Variants in SYN2 observed in about 807,000 individuals in gnomAD.
SYN2 encodes the protein synapsin-2.
In SYN2, 19 loss-of-function variants were observed where a neutral mutation model predicts 50.9. That is an observed-to-expected ratio of 0.37 (90% CI 0.26 to 0.55). The LOEUF is 0.55. SYN2 is among the 20% of genes least tolerant of loss of function. SYN2 has a pLI of 0.81. For synonymous variants in SYN2, 255 were observed against 224.9 expected, an observed-to-expected ratio of 1.13 and a Z score of -1.20; for missense variants, 587 against 576.4, an observed-to-expected ratio of 1.02 and a Z score of -0.19.
In SYN2 at chr3:12,180,245, TG is replaced by T. The variant is rs1403150504; in HGVS notation, c.1309-3064del. ...ATTACAGGCGTGAGCCGCACCCAGCTGGGTTTTTTTTTTTTTATGCTACTAT... is the reference window on the plus strand; with the variant it reads ...ATTACAGGCGTGAGCCGCACCCAGCTGGTTTTTTTTTTTTTATGCTACTAT... On this transcript the variant is annotated intron_variant, in intron 10 of 12. Transcript: ENST00000621198. 8.7e-5 allele frequency among the ~76,000 whole-genome samples: 7 copies of T among 80,348 alleles called. No individual in the cohort carries two copies. The Admixed American group carries it at 1.0e-3, about 12-fold the overall frequency. 52.7% of individuals were successfully genotyped at this position (80,348 alleles called of 152,430 possible). A position where few individuals can be genotyped will look rare whatever the true frequency, so the allele number is the denominator to read the frequency against.
At chr3:12,150,864 A>G (rs1257661261) in intron 4 of SYN2, among the ~76,000 whole-genome samples, 1 of 152,178 alleles carries the variant, frequency 6.6e-6, no homozygotes, top group Non-Finnish European at 1.5e-5. Flanking sequence ...TCAGAGATGC[A>G]GGTGTGGAAA....
At chr3:12,067,406 T>G (rs1475903025) in intron 1 of SYN2, among the ~76,000 whole-genome samples, 1 of 152,200 alleles carries the variant, frequency 6.6e-6, no homozygotes, top group Non-Finnish European at 1.5e-5. Context: ...TCTATGAAAC[T>G]TCACTTTCTC....
At chr3:12,121,011 T>C (rs1228532406) in intron 1 of SYN2, among the ~76,000 whole-genome samples, 2 of 152,226 alleles carry the variant, frequency 1.3e-5, no homozygotes, top group Non-Finnish European at 2.9e-5. Flanking sequence ...CCTTGCCTTA[T>C]ATTTTAGGTA....
chr3:12,022,893 G>A (rs1013034929), intron 1 of SYN2, among the ~76,000 whole-genome samples: 3 of 148,524 alleles, frequency 2.0e-5, no homozygotes, highest in Non-Finnish European at 3.0e-5. Flanking sequence ...GGTGGTCTCA[G>A]GTAACATACT....
At chr3:12,034,073 G>A (rs183222099) in intron 1 of SYN2, among the ~76,000 whole-genome samples, 4 of 152,272 alleles carry the variant, frequency 2.6e-5, no homozygotes, top group African/African-American at 9.6e-5. Context: ...GGGTTATATA[G>A]TAATTTTATT....
intron 3 of SYN2, among the ~76,000 whole-genome samples, chr3:12,142,446 G>A (rs1218455884): frequency 5.9e-5 from 9 of 152,186 alleles, no homozygotes; most frequent in Non-Finnish European, 1.3e-4. Context: ...GCAGAGCCCT[G>A]TCTTCTATGT....
At chr3:12,168,594 G>A (rs1277427466) in intron 9 of SYN2, 116 bp downstream of exon 9, 9 of 868,710 alleles carry the variant, frequency 1.0e-5, no homozygotes, top group African/African-American at 5.0e-5. Flanking sequence ...AGCAAGATCA[G>A]TGGGTAGCTA....
intron 1 of SYN2, among the ~76,000 whole-genome samples, chr3:12,111,534 G>A (rs539452042): frequency 6.6e-6 from 1 of 152,058 alleles, no homozygotes; most frequent in South Asian, 2.1e-4. Context: ...CAGGTCCTTC[G>A]GCAACCCTAA....
At chr3:12,085,263 T>A (rs1695670488) in intron 1 of SYN2, among the ~76,000 whole-genome samples, 1 of 151,646 alleles carries the variant, frequency 6.6e-6, no homozygotes, top group Non-Finnish European at 1.5e-5. Context: ...ATTCAAAAAC[T>A]GTAAAAAAAG....
intron 1 of SYN2, among the ~76,000 whole-genome samples, chr3:12,009,567 C>A (rs541333773): frequency 1.3e-5 from 2 of 152,326 alleles, no homozygotes; most frequent in Non-Finnish European, 2.9e-5. Flanking sequence ...AAACTCACAT[C>A]TGACTCCATT....
intron 1 of SYN2, among the ~76,000 whole-genome samples, chr3:12,059,824 G>T (rs1287855857): frequency 6.6e-6 from 1 of 152,020 alleles, no homozygotes; most frequent in African/African-American, 2.4e-5. Flanking sequence ...CCTCTAAAGG[G>T]GGTCCCTGCT....
chr3:12,153,292 C>T (rs1697357654), intron 5 of SYN2: 4 of 588,514 alleles, frequency 6.8e-6, no homozygotes, highest in South Asian at 4.0e-5. Context: ...GTAACAGCTA[C>T]AAGGCTAGAC....
intron 1 of SYN2, among the ~76,000 whole-genome samples, chr3:12,117,529 A>G (rs1286697660): frequency 2.0e-5 from 3 of 152,266 alleles, no homozygotes; most frequent in East Asian, 3.9e-4. Flanking sequence ...GTGCCTGTGT[A>G]AGAGCTCATC....
At chr3:12,162,616 C>T (rs1697681280) in intron 7 of SYN2, among the ~76,000 whole-genome samples, 2 of 152,188 alleles carry the variant, frequency 1.3e-5, no homozygotes, top group African/African-American at 4.8e-5. Flanking sequence ...AATTGGGTAG[C>T]TCTGGGATCC....
chr3:12,187,706 T>C, intron 12 of SYN2, 94 bp downstream of exon 12: 1 of 1,435,320 alleles, frequency 7.0e-7, no homozygotes. Flanking sequence ...TTCAATCAGG[T>C]CTCCTCCTAC....
intron 10 of SYN2, among the ~76,000 whole-genome samples, chr3:12,174,746 T>G (rs1698024807): frequency 6.6e-6 from 1 of 152,096 alleles, no homozygotes; most frequent in African/African-American, 2.4e-5. Context: ...TCCCAAAATG[T>G]TGGGATTACA....
intron 1 of SYN2, among the ~76,000 whole-genome samples, chr3:12,088,902 G>A (rs780994608): frequency 2.0e-5 from 3 of 152,168 alleles, no homozygotes; most frequent in Non-Finnish European, 4.4e-5. Flanking sequence ...AGAACTGTTA[G>A]TTAAAGGGTG....
At chr3:12,145,128 A>G (rs1697117895) in intron 3 of SYN2, among the ~76,000 whole-genome samples, 1 of 152,060 alleles carries the variant, frequency 6.6e-6, no homozygotes, top group African/African-American at 2.4e-5. Flanking sequence ...TAAAATTACA[A>G]CCGTTGCTCA....
intron 1 of SYN2, among the ~76,000 whole-genome samples, chr3:12,015,681 A>T (rs997090530): frequency 6.6e-6 from 1 of 152,078 alleles, no homozygotes; most frequent in Non-Finnish European, 1.5e-5. Flanking sequence ...CCTCTCCCTC[A>T]TTCACCCTTG....
Sources: allele counts gnomAD v4.1 joint callset (sites outside exome capture counted in the v4.1 genomes callset), GRCh38; gene constraint gnomAD v4.1.1; transcripts MANE v1.5; gene names NCBI Gene and HGNC (gene_info 2026-07-23, HGNC 2026-07-21).